SLC25A26: variants seen among roughly 807,000 people sequenced by gnomAD.
SLC25A26 encodes mitochondrial S-adenosylmethionine carrier protein.
Under a neutral mutation model 37.8 loss-of-function variants are expected in SLC25A26, and 36 were observed. The observed-to-expected ratio is 0.95, with a 90% confidence interval of 0.73 to 1.26. The LOEUF is 1.26. Ranked by LOEUF, SLC25A26 falls within the 50% of genes most tolerant of loss-of-function variation. The probability of loss-of-function intolerance (pLI) is 0.00; values close to 1 mark genes in which losing one functional copy is unlikely to be tolerated. For synonymous variants in SLC25A26, 129 were observed against 122.5 expected (o/e 1.05, Z -0.35); for missense variants, 390 against 331.1 (o/e 1.18, Z -1.38).
intron 1 of SLC25A26, among the ~76,000 whole-genome samples, chr3:66,151,453 C>T (rs1291995708): frequency 1.3e-5 from 2 of 152,226 alleles, no homozygotes; most frequent in African/African-American, 4.8e-5. Flanking sequence ...TTAAATGCAT[C>T]ACTTGCTTTC....
Position 66,362,625 on chromosome 3 carries a change from A to G in SLC25A26, c.499-235A>G, listed in dbSNP as rs916100960. The stretch of plus-strand genomic sequence containing the variant: ...ATGTTTTGTGTGCGTGCACACACAC[A>G]TATGTATTCTCTGAAAATTGTTTAC... On this transcript the variant is annotated intron_variant, in intron 6 of 9. Coordinates refer to ENST00000354883, the MANE Select transcript of SLC25A26 (RefSeq NM_001379210.1). Among the ~76,000 whole-genome samples, 11 of 152,190 alleles carry G rather than the reference A, an allele frequency of 7.2e-5. No homozygotes were observed. The South Asian group carries it at 8.3e-4, about 11-fold the overall frequency.
chr3:66,274,901 G>T (rs1161858067), intron 5 of SLC25A26, among the ~76,000 whole-genome samples: 7 of 151,996 alleles, frequency 4.6e-5, no homozygotes, highest in Admixed American at 3.9e-4. Flanking sequence ...CCATTACTAG[G>T]TATATACCCA....
chr3:66,194,754 A>G (rs1376281205), intron 1 of SLC25A26, among the ~76,000 whole-genome samples: 3 of 152,326 alleles, frequency 2.0e-5, no homozygotes, highest in Admixed American at 1.3e-4. Context: ...GGCATGCGCC[A>G]CCACGCCCAG....
At chr3:66,238,917 T>G (rs1392764236) in intron 2 of SLC25A26, among the ~76,000 whole-genome samples, 1 of 151,988 alleles carries the variant, frequency 6.6e-6, no homozygotes, top group Non-Finnish European at 1.5e-5. Flanking sequence ...TTATGGAAAT[T>G]TATCATAGTT....
At position 66,221,038 on chromosome 3, in the gene SLC25A26, G is replaced by T. The variant is rs1334449890; in HGVS notation, c.-57G>T. 1 of 1,528,954 alleles carries T rather than the reference G, an allele frequency of 6.5e-7. No individual in the cohort carries two copies. Among genetic ancestry groups the T allele is most frequent in the Non-Finnish European group, 8.8e-7 (1 of 1,139,912 alleles). The allele number at this position is 1,528,954 out of a possible 1,614,324, so 94.7% of individuals were successfully genotyped here. ...AACATGGCGGCGCCCAGCGCGCGAG[G>T]ACGTGATCCGCTTCTGCTCCGGCTT... On this transcript the variant is annotated 5_prime_UTR_variant, in exon 1 of 10. Transcript: ENST00000354883.
intron 3 of SLC25A26, among the ~76,000 whole-genome samples, chr3:66,247,161 G>T (rs976386050): frequency 2.6e-5 from 4 of 152,024 alleles, no homozygotes; most frequent in Non-Finnish European, 5.9e-5. Flanking sequence ...ACCGCGCCAG[G>T]CCCCTAGAGA....
chr3:66,313,381 T>C (rs2075438676), intron 5 of SLC25A26, among the ~76,000 whole-genome samples: 1 of 152,186 alleles, frequency 6.6e-6, no homozygotes. Context: ...TAGGGAATCC[T>C]TTCCCCATTG....
At chr3:66,287,735 A>G (rs536654028) in intron 5 of SLC25A26, among the ~76,000 whole-genome samples, 17 of 152,368 alleles carry the variant, frequency 1.1e-4, no homozygotes, top group African/African-American at 2.4e-4. Context: ...ACAATATCCT[A>G]TAAAATACAT....
chr3:66,325,760 G>A (rs1299557036), intron 5 of SLC25A26, among the ~76,000 whole-genome samples: 1 of 152,162 alleles, frequency 6.6e-6, no homozygotes, highest in East Asian at 1.9e-4. Flanking sequence ...GCGCATGCAG[G>A]GCCTCCAAGA....
At chr3:66,345,964 A>G (rs993318131) in intron 5 of SLC25A26, among the ~76,000 whole-genome samples, 1 of 152,184 alleles carries the variant, frequency 6.6e-6, no homozygotes, top group African/African-American at 2.4e-5. Flanking sequence ...AGGCCAAGTC[A>G]GGTGGATTGC....
At chr3:66,159,695 C>T (rs2070330677) in intron 1 of SLC25A26, among the ~76,000 whole-genome samples, 6 of 152,174 alleles carry the variant, frequency 3.9e-5, no homozygotes, top group Admixed American at 2.0e-4. Context: ...TTGTTCCAGG[C>T]ATGTACTCGA....
chr3:66,143,681 C>T (rs555905614), intron 1 of SLC25A26, among the ~76,000 whole-genome samples: 37 of 152,138 alleles, frequency 2.4e-4, no homozygotes, highest in Non-Finnish European at 2.2e-4. Context: ...ACCAGGAGTT[C>T]GAGACCAGTC....
intron 5 of SLC25A26, among the ~76,000 whole-genome samples, chr3:66,316,848 A>G (rs1410409744): frequency 6.6e-6 from 1 of 152,138 alleles, no homozygotes; most frequent in African/African-American, 2.4e-5. Context: ...TATTTCAGCA[A>G]GATGGTATTC....
intron 1 of SLC25A26, among the ~76,000 whole-genome samples, chr3:66,177,696 A>G (rs1417757371): frequency 2.0e-5 from 3 of 152,226 alleles, no homozygotes; most frequent in Non-Finnish European, 4.4e-5. Context: ...AAACCACCTT[A>G]GGTTGTGGAC....
At chr3:66,254,294 TA>T in intron 3 of SLC25A26, among the ~76,000 whole-genome samples, 1 of 152,350 alleles carries the variant, frequency 6.6e-6, no homozygotes, top group African/African-American at 2.4e-5. Flanking sequence ...GAAAGAGATG[TA>T]AAATATTCTT....
intron 5 of SLC25A26, among the ~76,000 whole-genome samples, chr3:66,285,523 A>G: frequency 1.9e-5 from 1 of 52,100 alleles, no homozygotes; most frequent in Admixed American, 2.6e-4. Context: ...GCAGTGGTGT[A>G]GTCATGGCTC....
chr3:66,274,852 A>G, intron 5 of SLC25A26, among the ~76,000 whole-genome samples: 1 of 152,174 alleles, frequency 6.6e-6, no homozygotes, highest in Non-Finnish European at 1.5e-5. Flanking sequence ...GCGATTCCTC[A>G]GGGATCTAGA....
At chr3:66,176,742 C>T (rs2070593173) in intron 1 of SLC25A26, among the ~76,000 whole-genome samples, 1 of 152,084 alleles carries the variant, frequency 6.6e-6, no homozygotes, top group African/African-American at 2.4e-5. Flanking sequence ...GCAAAAGACA[C>T]CTCATATTGT....
intron 1 of SLC25A26, among the ~76,000 whole-genome samples, chr3:66,209,076 ACC>A (rs1179871980): frequency 0.059 from 1,942 of 33,076 alleles, no homozygotes; most frequent in Middle Eastern, 0.23. Context: ...ACACACACAC[ACC>A]CATATAAAGA....
Sources: gnomAD v4.1 joint callset for allele counts (sites outside exome capture counted in the v4.1 genomes callset) on GRCh38, gnomAD v4.1.1 for gene constraint, MANE v1.5 for transcripts, NCBI Gene and HGNC (gene_info 2026-07-23, HGNC 2026-07-21) for gene names.